TOGARAM2: variants seen among roughly 807,000 people sequenced by gnomAD.
TOGARAM2 encodes TOG array regulator of axonemal microtubules protein 2.
In TOGARAM2, 85 loss-of-function variants were observed where a neutral mutation model predicts 93.3. The ratio of observed to expected loss-of-function variants is 0.91; its 90% CI spans 0.76 to 1.09. The LOEUF (loss-of-function observed/expected upper bound fraction) is 1.09, where lower values mean the gene tolerates loss of function less well. Ranked by LOEUF, TOGARAM2 falls within the 50% of genes least tolerant of loss-of-function variation. TOGARAM2 has a pLI of 0.00. For missense variants in TOGARAM2, 1,277 were observed against 1,334.5 expected, an observed-to-expected ratio of 0.96 and a Z score of 0.67; for synonymous variants, 593 against 552.8, an observed-to-expected ratio of 1.07 and a Z score of -1.02.
intron 7 of TOGARAM2, among the ~76,000 whole-genome samples, chr2:29,012,687 T>C (rs779294997): frequency 1.8e-4 from 27 of 152,122 alleles, no homozygotes; most frequent in Admixed American, 1.4e-3. Flanking sequence ...ACATAAAAAA[T>C]AGTTAAGTCC....
At chr2:28,965,666 C>G (rs1671856793) in intron 1 of TOGARAM2, among the ~76,000 whole-genome samples, 1 of 152,200 alleles carries the variant, frequency 6.6e-6, no homozygotes, top group South Asian at 2.1e-4. Flanking sequence ...AGTAAAGACT[C>G]AAGAGGACTC....
chr2:29,006,088 T>TG (rs1192054612), intron 6 of TOGARAM2, among the ~76,000 whole-genome samples: 4 of 71,522 alleles, frequency 5.6e-5, no homozygotes, highest in African/African-American at 1.8e-4. Context: ...CACGTGTGTG[T>TG]GTGTGGGGTG....
intron 1 of TOGARAM2, among the ~76,000 whole-genome samples, chr2:28,983,179 T>TAAATAAATAA: frequency 2.4e-5 from 1 of 41,998 alleles, no homozygotes; most frequent in Non-Finnish European, 4.8e-5. Flanking sequence ...TATATATAAA[T>TAAATAAATAA]ATATATATAT....
chr2:28,991,154 C>T (rs1054628071), intron 1 of TOGARAM2, among the ~76,000 whole-genome samples: 3 of 152,034 alleles, frequency 2.0e-5, no homozygotes, highest in Admixed American at 2.0e-4. Flanking sequence ...CCTAACAAAA[C>T]CCCTTGTTAG....
intron 1 of TOGARAM2, among the ~76,000 whole-genome samples, chr2:28,993,844 T>C (rs1672860076): frequency 1.3e-5 from 2 of 152,118 alleles, no homozygotes; most frequent in Non-Finnish European, 1.5e-5. Flanking sequence ...AGTTCCTGAG[T>C]TGGGATTTGT....
intron 1 of TOGARAM2, among the ~76,000 whole-genome samples, chr2:28,982,215 G>A (rs1044346989): frequency 2.6e-5 from 4 of 152,228 alleles, no homozygotes; most frequent in Non-Finnish European, 5.9e-5. Context: ...TGATGCTGTT[G>A]TTAGGTGGAG....
chr2:28,973,383 C>CCCTTCCTTCTTTG (rs1553333616), intron 1 of TOGARAM2, among the ~76,000 whole-genome samples: 6 of 66,168 alleles, frequency 9.1e-5, no homozygotes, highest in East Asian at 3.9e-3. Context: ...TCCCTTCCTT[C>CCCTTCCTTCTTTG]CTTCTTTCCT....
chr2:28,998,020 G>GT (rs888806379), intron 2 of TOGARAM2, 123 bp from the exon 3 acceptor site: 8 of 609,850 alleles, frequency 1.3e-5, no homozygotes, highest in Non-Finnish European at 2.2e-5. Flanking sequence ...ACATGCCTTG[G>GT]TTTTTTGGGC....
intron 11 of TOGARAM2, among the ~76,000 whole-genome samples, 161 bp from the exon 12 acceptor site, chr2:29,022,925 G>T (rs1665054453): frequency 6.6e-6 from 1 of 152,212 alleles, no homozygotes; most frequent in Non-Finnish European, 1.5e-5. Flanking sequence ...TTCCAGGCCA[G>T]GGTGTTACCC....
At chr2:28,972,561 C>A (rs1165381547) in intron 1 of TOGARAM2, 1 of 152,220 alleles carries the variant, frequency 6.6e-6, no homozygotes, top group African/African-American at 2.4e-5. Context: ...ACTTCCCTTA[C>A]CATAGAATAT....
chr2:29,017,811 C>T lies in TOGARAM2; in HGVS notation c.1215C>T (p.Gly405=), dbSNP rs779407178. The T allele has an allele frequency of 6.2e-6, 10 of 1,610,734 alleles. No homozygotes were observed. In the South Asian group the frequency reaches 1.1e-4, roughly 18 times the overall value. The change falls in exon 10 of 20, where the codon GGC becomes GGT. Residue 405 remains glycine (G), a synonymous_variant. Coordinates refer to ENST00000379558, the MANE Select transcript of TOGARAM2 (RefSeq NM_199280.4). The part of the protein sequence containing the change: ...FMKEGLLPLR[G]SGTLSVPTRL... Reference sequence around the variant, plus strand: ...CCACAGGCCTCCTTCCCCTCCGGGGCAGCGGGACACTGTCTGTGCCCACTA... The same window carrying T: ...CCACAGGCCTCCTTCCCCTCCGGGGTAGCGGGACACTGTCTGTGCCCACTA...
At chr2:29,019,969 G>C (rs1050953108) in intron 10 of TOGARAM2, among the ~76,000 whole-genome samples, 1 of 152,188 alleles carries the variant, frequency 6.6e-6, no homozygotes, top group Non-Finnish European at 1.5e-5. Flanking sequence ...TTCTCAGCGA[G>C]GCAAATTTAC....
At chr2:28,969,476 A>G (rs557700860) in intron 1 of TOGARAM2, among the ~76,000 whole-genome samples, 1 of 152,338 alleles carries the variant, frequency 6.6e-6, no homozygotes, top group African/African-American at 2.4e-5. Context: ...ATTCCAGAAG[A>G]CAGGAGGCCC....
chr2:29,002,530 G>A lies in TOGARAM2; in HGVS notation c.428-6G>A, dbSNP rs1420151537. 17 of 1,612,230 alleles carry A rather than the reference G, an allele frequency of 1.1e-5. No homozygotes were observed. The highest frequency in any genetic ancestry group is 5.0e-5 in the Admixed American group (3 of 59,908). On this transcript the variant is annotated splice_polypyrimidine_tract_variant and splice_region_variant and intron_variant, in intron 4 of 19. Coordinates refer to ENST00000379558, the MANE Select transcript of TOGARAM2 (RefSeq NM_199280.4). Reference sequence around the variant, plus strand: ...TAACTGATTTCCCATCCCCATCCCTGTACAGCCTCTCTGGATCCAGGGGGA... The same window carrying A: ...TAACTGATTTCCCATCCCCATCCCTATACAGCCTCTCTGGATCCAGGGGGA...
chr2:28,961,693 T>G (rs1671806591), intron 1 of TOGARAM2, among the ~76,000 whole-genome samples: 1 of 152,054 alleles, frequency 6.6e-6, no homozygotes, highest in South Asian at 2.1e-4. Flanking sequence ...GGTCAATGAG[T>G]TTCAACAAAT....
rs1335722781 is a variant in TOGARAM2 at position 29,052,009 on chromosome 2, G to A, written c.2976G>A (p.Leu992=). The A allele has an allele frequency of 6.2e-7, 1 of 1,613,110 alleles. No individual in the cohort carries two copies. The highest frequency in any genetic ancestry group is 1.7e-5 in the Admixed American group (1 of 60,020). Residue 992 remains leucine (L), a synonymous_variant, in exon 20 of 20, where the codon TTG becomes TTA. Transcript: ENST00000379558. ...TLQELLDSES[L]GGSRKATDRG... ...AGGAACTCTTAGACTCAGAGTCCTT[G>A]GGAGGCAGCCGCAAGGCCACTGACA...
At chr2:29,031,808 C>G (rs925496006) in intron 14 of TOGARAM2, among the ~76,000 whole-genome samples, 10 of 152,184 alleles carry the variant, frequency 6.6e-5, no homozygotes, top group African/African-American at 2.4e-4. Context: ...TGGAAATCAC[C>G]AGTTTTTATT....
chr2:29,014,684 G>C, intron 8 of TOGARAM2, 123 bp downstream of exon 8: 1 of 1,297,402 alleles, frequency 7.7e-7, no homozygotes, highest in Non-Finnish European at 1.0e-6. Flanking sequence ...AGGAGAGCCC[G>C]AGGCAGCCAC....
intron 7 of TOGARAM2, among the ~76,000 whole-genome samples, chr2:29,012,327 G>A: frequency 6.6e-6 from 1 of 152,208 alleles, no homozygotes; most frequent in East Asian, 1.9e-4. Flanking sequence ...GGGGCAGTTG[G>A]CGAAGGGGGG....
Sources: allele counts gnomAD v4.1 joint callset (sites outside exome capture counted in the v4.1 genomes callset), GRCh38; gene constraint gnomAD v4.1.1; transcripts MANE v1.5; gene names NCBI Gene and HGNC (gene_info 2026-07-23, HGNC 2026-07-21).